Variants in DPH6 observed in about 807,000 individuals in gnomAD.
The protein encoded by DPH6 is diphthine--ammonia ligase.
Under a neutral mutation model 38.2 loss-of-function variants are expected in DPH6, and 33 were observed. That is an observed-to-expected ratio of 0.86 (90% CI 0.65 to 1.15). The LOEUF (loss-of-function observed/expected upper bound fraction) is 1.15. Among genes scored for constraint, DPH6 ranks in the 50% most tolerant of loss-of-function variants. The probability of loss-of-function intolerance (pLI) is 0.00; values close to 1 mark genes in which losing one functional copy is unlikely to be tolerated. For synonymous variants in DPH6, 108 were observed against 103.0 expected (o/e 1.05, Z -0.30); for missense variants, 325 against 320.0 (o/e 1.02, Z -0.12).
chr15:35,277,231 TG>T (rs1429855582), intron 3 of DPH6, among the ~76,000 whole-genome samples: 1 of 152,208 alleles, frequency 6.6e-6, no homozygotes, highest in Non-Finnish European at 1.5e-5. Context: ...GCTTGGTTCC[TG>T]TTGGTGTATA....
chr15:35,457,404 G>A (rs1371931634), intron 3 of DPH6, among the ~76,000 whole-genome samples: 1 of 151,462 alleles, frequency 6.6e-6, no homozygotes, highest in African/African-American at 2.4e-5. Context: ...AGTGATTCTT[G>A]TGCCTCAGCC....
the DPH6 span, among the ~76,000 whole-genome samples, chr15:35,191,231 A>T: frequency 1.3e-5 from 2 of 152,216 alleles, no homozygotes; most frequent in African/African-American, 4.8e-5. Flanking sequence ...ACATACTTCG[A>T]GGTATATCCC....
At chr15:35,511,255 C>G (rs1454293410) in intron 3 of DPH6, among the ~76,000 whole-genome samples, 3 of 151,996 alleles carry the variant, frequency 2.0e-5, no homozygotes, top group African/African-American at 7.2e-5. Context: ...GACAGAACAA[C>G]CAGTGCTCAT....
At chr15:35,305,537 A>G (rs2052083620) in intron 3 of DPH6, among the ~76,000 whole-genome samples, 1 of 152,120 alleles carries the variant, frequency 6.6e-6, no homozygotes, top group South Asian at 2.1e-4. Context: ...CTTGAGATCT[A>G]CCATCTCTTG....
chr15:35,254,774 G>C (rs1293562315), intron 3 of DPH6, among the ~76,000 whole-genome samples: 1 of 152,176 alleles, frequency 6.6e-6, no homozygotes, highest in South Asian at 2.1e-4. Flanking sequence ...GAGAGTCAGC[G>C]AAGGGAGATA....
chr15:35,530,684 A>C (rs1326012205), intron 3 of DPH6, among the ~76,000 whole-genome samples: 1 of 152,166 alleles, frequency 6.6e-6, no homozygotes, highest in African/African-American at 2.4e-5. Context: ...CTTTAGGGGG[A>C]ATTTATAGAT....
the DPH6 span, among the ~76,000 whole-genome samples, chr15:35,159,450 G>C: frequency 6.6e-6 from 1 of 151,758 alleles, no homozygotes; most frequent in Non-Finnish European, 1.5e-5. Context: ...CAAGAAACAT[G>C]AAAAAATGCT....
chr15:35,404,488 C>T (rs946050665), intron 6 of DPH6, among the ~76,000 whole-genome samples: 3 of 152,108 alleles, frequency 2.0e-5, no homozygotes, highest in Admixed American at 6.6e-5. Context: ...ATGTTGAACA[C>T]CTTTTCCTAT....
At chr15:35,340,412 C>T (rs2052411750) in intron 3 of DPH6, among the ~76,000 whole-genome samples, 1 of 152,088 alleles carries the variant, frequency 6.6e-6, no homozygotes, top group South Asian at 2.1e-4. Flanking sequence ...GAATTTGATC[C>T]TGTCATCATG....
intron 3 of DPH6, among the ~76,000 whole-genome samples, chr15:35,223,840 A>T (rs2051459840): frequency 6.6e-6 from 1 of 152,056 alleles, no homozygotes; most frequent in Non-Finnish European, 1.5e-5. Flanking sequence ...GTTTTAACTA[A>T]TGCATAATGA....
At chr15:35,166,902 G>T in the DPH6 span, among the ~76,000 whole-genome samples, 2 of 151,944 alleles carry the variant, frequency 1.3e-5, no homozygotes, top group African/African-American at 4.8e-5. Flanking sequence ...GCAGGGAAAA[G>T]GAGCTTAAGA....
chr15:35,305,587 T>G (rs914080505), intron 3 of DPH6, among the ~76,000 whole-genome samples: 1 of 152,106 alleles, frequency 6.6e-6, no homozygotes, highest in African/African-American at 2.4e-5. Context: ...TGAGGAAGTT[T>G]GAGATAATTA....
intron 2 of DPH6, among the ~76,000 whole-genome samples, chr15:35,539,449 G>A (rs1004654540): frequency 6.6e-6 from 1 of 151,952 alleles, no homozygotes; most frequent in Non-Finnish European, 1.5e-5. Context: ...AAAAGATGGG[G>A]ATAAAAAGTG....
intron 3 of DPH6, among the ~76,000 whole-genome samples, chr15:35,351,989 G>A (rs1435329449): frequency 1.3e-5 from 2 of 152,034 alleles, no homozygotes; most frequent in African/African-American, 2.4e-5. Flanking sequence ...CAAAGTGCTG[G>A]CATTATAGCT....
Position 35,542,476 on chromosome 15 carries a change from G to A in DPH6, c.55C>T (p.Gln19Ter), listed in dbSNP as rs1297034395. Residue 19 changes from glutamine (Q) to a stop codon, truncating the protein, a stop_gained, in exon 2 of 9, where the codon CAG becomes TAG. Coordinates refer to ENST00000256538, the MANE Select transcript of DPH6 (RefSeq NM_080650.4). LOFTEE classifies it high-confidence loss of function. ...ATCTGATGCCCAGCAGCAATGCACTGCATCATATTATAGCAGCTGTCCTTC... is the reference window on the plus strand; with the variant it reads ...ATCTGATGCCCAGCAGCAATGCACTACATCATATTATAGCAGCTGTCCTTC... Reference protein sequence around the residue: ...GGKDSCYNMMQCIAAGHQIVA... With the variant: ...GGKDSCYNMM 5 of 1,578,010 alleles carry A rather than the reference G, an allele frequency of 3.2e-6. No homozygotes were observed. Among genetic ancestry groups the A allele is most frequent in the Non-Finnish European group, 4.3e-6 (5 of 1,151,798 alleles).
chr15:35,527,070 T>C (rs2055014548), intron 3 of DPH6, among the ~76,000 whole-genome samples: 1 of 152,204 alleles, frequency 6.6e-6, no homozygotes, highest in African/African-American at 2.4e-5. Flanking sequence ...ACTGAACGTT[T>C]ATCATTCGTT....
rs528919601 is a variant in DPH6 at position 35,503,147 on chromosome 15, T to A, written c.312+35127A>T. 1.1e-4 allele frequency among the ~76,000 whole-genome samples: 16 copies of A among 151,928 alleles called. No individual in the cohort carries two copies. The South Asian group carries it at 3.3e-3, about 32-fold the overall frequency. On this transcript the variant is annotated intron_variant, in intron 3 of 8. Transcript: ENST00000256538. ...TCTTATAGAAATTTAATTTAGCAAC[T>A]GTTGCCTGCTATGATTCCTAGAATG...
At chr15:35,345,586 C>A (rs2052455361) in intron 3 of DPH6, among the ~76,000 whole-genome samples, 1 of 151,796 alleles carries the variant, frequency 6.6e-6, no homozygotes, top group Non-Finnish European at 1.5e-5. Flanking sequence ...CCTAGAATAA[C>A]CTAATTTGGA....
chr15:35,160,121 T>G, the DPH6 span, among the ~76,000 whole-genome samples: 6 of 151,956 alleles, frequency 3.9e-5, no homozygotes, highest in African/African-American at 1.4e-4. Context: ...ATGGGTTCAA[T>G]CGTACTCAAC....
Sources: gnomAD v4.1 joint callset for allele counts (sites outside exome capture counted in the v4.1 genomes callset) on GRCh38, gnomAD v4.1.1 for gene constraint, MANE v1.5 for transcripts, NCBI Gene and HGNC (gene_info 2026-07-23, HGNC 2026-07-21) for gene names.